The following STAM variants were observed in gnomAD, a reference collection of about 807,000 sequenced individuals.
The protein encoded by STAM is signal transducing adaptor molecule, also known as signal transducing adapter molecule 1.
A neutral mutation model predicts 63.4 loss-of-function variants in STAM; 16 were observed. The observed-to-expected ratio is 0.25, with a 90% CI of 0.17 to 0.38. STAM has a LOEUF of 0.38. Among genes scored for constraint, STAM ranks in the 10% least tolerant of loss-of-function variants. The pLI is 1.00. For synonymous variants in STAM, 238 were observed against 223.9 expected, an observed-to-expected ratio of 1.06 and a Z score of -0.56; for missense variants, 636 against 657.1, an observed-to-expected ratio of 0.97 and a Z score of 0.35.
At chr10:17,685,584 T>C (rs1349728805) in intron 4 of STAM, among the ~76,000 whole-genome samples, 1 of 152,184 alleles carries the variant, frequency 6.6e-6, no homozygotes, top group Non-Finnish European at 1.5e-5. Context: ...GGCTCAGGGT[T>C]GGGGCTGGTT....
chr10:17,648,179 C>T (rs1833591328), intron 1 of STAM, among the ~76,000 whole-genome samples: 2 of 152,170 alleles, frequency 1.3e-5, no homozygotes, highest in Non-Finnish European at 2.9e-5. Context: ...AGCTGGACTT[C>T]CTGGGTCAAG....
Position 17,698,416 on chromosome 10 carries a change from T to G in STAM, c.823+1547T>G, listed in dbSNP as rs1477600198. On this transcript the variant is annotated intron_variant, in intron 8 of 13. Transcript: ENST00000377524. Reference sequence around the variant, plus strand: ...GATCTCATGTAGATCCTGGAGCCATTTCATCTTTTTTTTTTTTTAAGTCAT... The same window carrying G: ...GATCTCATGTAGATCCTGGAGCCATGTCATCTTTTTTTTTTTTTAAGTCAT... Among the ~76,000 whole-genome samples, 3 of 150,348 alleles carry G rather than the reference T, an allele frequency of 2.0e-5. No homozygotes were observed. In the South Asian group the frequency reaches 6.3e-4, roughly 32 times the overall value.
intron 2 of STAM, among the ~76,000 whole-genome samples, chr10:17,670,928 A>G (rs1304114398): frequency 6.6e-6 from 1 of 152,172 alleles, no homozygotes. Flanking sequence ...TGTTCAGTAT[A>G]TAAAGATTGC....
Position 17,704,992 on chromosome 10 carries a change from T to G in STAM, c.1023T>G (p.Pro341=). ...TAGCAATGTGTCACCAGATGGGACC[T>G]CTCATTGATGAAAAGCTGGAAGATA... is the stretch of plus-strand genomic sequence containing the variant. ...HLEAMCHQMG[P]LIDEKLEDID... Residue 341 remains proline, a synonymous_variant, in exon 11 of 14, where the codon CCT becomes CCG. Coordinates refer to ENST00000377524, the MANE Select transcript of STAM (RefSeq NM_003473.4). 6.2e-7 allele frequency: 1 copy of G among 1,613,428 alleles called. No homozygotes were observed. The highest frequency in any genetic ancestry group is 1.7e-5 in the Admixed American group (1 of 59,998).
intron 5 of STAM, among the ~76,000 whole-genome samples, chr10:17,689,143 C>G (rs540220659): frequency 6.6e-6 from 1 of 152,202 alleles, no homozygotes; most frequent in Non-Finnish European, 1.5e-5. Flanking sequence ...CAAGAAATGT[C>G]TTTTTTATTC....
chr10:17,700,732 T>G (rs1212943172), intron 9 of STAM, among the ~76,000 whole-genome samples: 1 of 152,190 alleles, frequency 6.6e-6, no homozygotes, highest in African/African-American at 2.4e-5. Flanking sequence ...ACACTCGTAT[T>G]CATATCATGC....
intron 1 of STAM, among the ~76,000 whole-genome samples, chr10:17,651,949 C>T (rs1238156568): frequency 6.6e-6 from 1 of 152,176 alleles, no homozygotes; most frequent in Non-Finnish European, 1.5e-5. Flanking sequence ...TGCTGCTTAT[C>T]AGAAAAAGTT....
At chr10:17,710,224 C>T (rs1054064513) in intron 13 of STAM, among the ~76,000 whole-genome samples, 18 of 152,094 alleles carry the variant, frequency 1.2e-4, no homozygotes, top group Admixed American at 5.9e-4. Context: ...CTAGAGATTA[C>T]TTGAGACTCA....
At chr10:17,697,709 C>T (rs1211470138) in intron 8 of STAM, among the ~76,000 whole-genome samples, 1 of 150,820 alleles carries the variant, frequency 6.6e-6, no homozygotes, top group African/African-American at 2.4e-5. Context: ...AAGTTTAAGT[C>T]ATAATCTCCC....
rs1836420922 is a variant in STAM, at chr10:17,708,849, A to G, written c.1283A>G (p.Tyr428Cys). The change falls in exon 13 of 14, where the codon TAC (tyrosine) becomes TGC (cysteine). Residue 428 changes from tyrosine (Y) to cysteine (C), a missense_variant. Around this residue, in one of 3 missense-constraint regions of STAM, gnomAD observed 532 missense variants for 536.9 expected, o/e 0.99. Transcript: ENST00000377524. ...GCGCAGATGAGCCACCTCCAGAGCT[A>G]CAGTCTTCCCCCGGAGCAGCTGTCT... is the stretch of plus-strand genomic sequence containing the variant. Reference protein sequence around the residue: ...GNAQMSHLQSYSLPPEQLSSL... With the variant: ...GNAQMSHLQSCSLPPEQLSSL... 3.1e-6 allele frequency: 5 copies of G among 1,614,164 alleles called. No homozygotes were observed. The highest frequency in any genetic ancestry group is 2.2e-5 in the East Asian group (1 of 44,884).
chr10:17,685,831 C>T (rs1835271874), intron 4 of STAM, among the ~76,000 whole-genome samples: 1 of 152,162 alleles, frequency 6.6e-6, no homozygotes, highest in Non-Finnish European at 1.5e-5. Flanking sequence ...GAATTCTAGT[C>T]ACACAGTTCA....
At chr10:17,662,695 T>C (rs1175170821) in intron 2 of STAM, among the ~76,000 whole-genome samples, 1 of 152,216 alleles carries the variant, frequency 6.6e-6, no homozygotes, top group Non-Finnish European at 1.5e-5. Flanking sequence ...AAGTAACTTA[T>C]CTTTCTGGGC....
chr10:17,686,030 T>C (rs1373360328), intron 4 of STAM, among the ~76,000 whole-genome samples: 4 of 152,094 alleles, frequency 2.6e-5, no homozygotes, highest in East Asian at 1.9e-4. Context: ...AGTAGAAAAA[T>C]AGCAGTATAG....
chr10:17,691,928 G>C (rs7904112), intron 5 of STAM, among the ~76,000 whole-genome samples: 8 of 152,114 alleles, frequency 5.3e-5, no homozygotes, highest in Non-Finnish European at 8.8e-5. Context: ...GTAGAGGTCT[G>C]TTTACACTGT....
At chr10:17,694,416 G>A (rs1835668678) in intron 6 of STAM, among the ~76,000 whole-genome samples, 1 of 152,086 alleles carries the variant, frequency 6.6e-6, no homozygotes, top group African/African-American at 2.4e-5. Flanking sequence ...AAACAAGAGC[G>A]GAAGAGCAGA....
rs1554820869 is a variant in STAM at position 17,646,708 on chromosome 10, T to C, written c.40+2329T>C. 4.6e-5 allele frequency among the ~76,000 whole-genome samples: 7 copies of C among 152,232 alleles called. No homozygotes were observed. The South Asian group carries it at 1.0e-3, about 23-fold the overall frequency. On this transcript the variant is annotated intron_variant, in intron 1 of 13. Transcript: ENST00000377524. ...GTATTGAAATATTACAAAAGGTTTA[T>C]CTAAGAAGACCCCTCAGAGATTCCC...
intron 1 of STAM, among the ~76,000 whole-genome samples, chr10:17,654,491 G>A (rs782590691): frequency 2.0e-5 from 3 of 152,058 alleles, no homozygotes; most frequent in Non-Finnish European, 4.4e-5. Flanking sequence ...CAAAGTGCTG[G>A]GATTACAGGC....
rs1833751975 is a variant in STAM, at chr10:17,651,808, C to T, written c.40+7429C>T. Among the ~76,000 whole-genome samples, 7 of 152,180 alleles carry T rather than the reference C, an allele frequency of 4.6e-5. 1 individual carries two copies. The South Asian group carries it at 1.4e-3, about 31-fold the overall frequency. ...TTTTCCATTGGCCATTTTTAATGAACTGTTACATCTTCGGGCTGACTGAAT... is the reference window on the plus strand; with the variant it reads ...TTTTCCATTGGCCATTTTTAATGAATTGTTACATCTTCGGGCTGACTGAAT... On this transcript the variant is annotated intron_variant, in intron 1 of 13. Coordinates refer to ENST00000377524, the MANE Select transcript of STAM (RefSeq NM_003473.4).
rs1024763844 is a variant in STAM at position 17,664,080 on chromosome 10, A to C, written c.125+3532A>C. Among the ~76,000 whole-genome samples, 4 of 149,644 alleles carry C rather than the reference A, an allele frequency of 2.7e-5. No homozygotes were observed. The Admixed American group carries it at 2.7e-4, about 10-fold the overall frequency. On this transcript the variant is annotated intron_variant, in intron 2 of 13. Coordinates refer to ENST00000377524, the MANE Select transcript of STAM (RefSeq NM_003473.4). ...CACTTTTTTCTTCTTGTTTTAAAAG[A>C]AATAAAACATTTACGTGTACTTCCA... is the stretch of plus-strand genomic sequence containing the variant.
Sources: allele counts gnomAD v4.1 joint callset (sites outside exome capture counted in the v4.1 genomes callset), GRCh38; gene constraint gnomAD v4.1.1; regional missense constraint gnomAD v4.1.1; transcripts MANE v1.5; gene names NCBI Gene and HGNC (gene_info 2026-07-23, HGNC 2026-07-21).